Variants in ZBED6 observed in about 807,000 individuals in gnomAD.
ZBED6 encodes zinc finger BED-type containing 6.
Under a neutral mutation model 58.4 loss-of-function variants are expected in ZBED6, and 40 were observed. The observed-to-expected ratio is 0.68, with a 90% CI of 0.53 to 0.89. The LOEUF (loss-of-function observed/expected upper bound fraction) is 0.89. Ranked by LOEUF, ZBED6 falls within the 40% of genes least tolerant of loss-of-function variation. ZBED6 has a pLI of 0.00. For synonymous variants in ZBED6, 439 were observed against 350.6 expected (o/e 1.25, Z -2.82); for missense variants, 1,057 against 1,003.9 (o/e 1.05, Z -0.71).
exon 16 of ZBED6, chr1:203,851,060 G>C: frequency 2.5e-6 from 4 of 1,614,138 alleles, no homozygotes; most frequent in Non-Finnish European, 3.4e-6. Flanking sequence ...TTTGTAGGCT[G>C]TTGTCCCGCT....
intron 11 of ZBED6, among the ~76,000 whole-genome samples, chr1:203,845,377 T>A (rs551470484): frequency 1.3e-5 from 2 of 152,356 alleles, no homozygotes; most frequent in African/African-American, 2.4e-5. Context: ...AATTTGTGAT[T>A]TTTTATTAAA....
chr1:203,831,625 T>C, intron 7 of ZBED6, 36 bp from the exon 8 acceptor site: 1 of 1,569,516 alleles, frequency 6.4e-7, no homozygotes, highest in East Asian at 2.2e-5. Context: ...TTATTTTCCA[T>C]AAATTATTTG....
At chr1:203,824,524 C>T (rs6658514) in intron 3 of ZBED6, among the ~76,000 whole-genome samples, 1 of 151,980 alleles carries the variant, frequency 6.6e-6, no homozygotes, top group Non-Finnish European at 1.5e-5. Context: ...CTTGGCCATT[C>T]GTAGGCATGT....
At chr1:203,837,969 G>A (rs151160011) in exon 10 of ZBED6, 33 of 1,612,426 alleles carry the variant, frequency 2.0e-5, no homozygotes, top group Non-Finnish European at 2.8e-5. Flanking sequence ...TTTATAGGCG[G>A]TGACAGTGAT....
chr1:203,816,042 G>A (rs1045431456), intron 1 of ZBED6, among the ~76,000 whole-genome samples: 2 of 152,152 alleles, frequency 1.3e-5, no homozygotes, highest in African/African-American at 4.8e-5. Flanking sequence ...CTTCATTAAC[G>A]TAAGCTAGAT....
chr1:203,804,754 C>T lies in ZBED6; in HGVS notation c.*2554+1738C>T, dbSNP rs574046380. 7.3e-5 allele frequency among the ~76,000 whole-genome samples: 11 copies of T among 150,424 alleles called. No homozygotes were observed. The East Asian group carries it at 2.0e-3, about 27-fold the overall frequency. On this transcript the variant is annotated intron_variant, in intron 1 of 16. Transcript: ENST00000550078. ...ATGGTGCTGTCTTGGCTCATTGCAA[C>T]CTCTGCCTTCCAGGTTCAAGTGATT...
chr1:203,811,143 C>CAAA (rs535589700), intron 1 of ZBED6, among the ~76,000 whole-genome samples: 2 of 73,600 alleles, frequency 2.7e-5, no homozygotes, highest in African/African-American at 4.8e-5. Flanking sequence ...AACTCTGTCA[C>CAAA]AAAAAAAAAA....
At chr1:203,809,849 G>T in intron 1 of ZBED6, among the ~76,000 whole-genome samples, 1 of 152,132 alleles carries the variant, frequency 6.6e-6, no homozygotes, top group East Asian at 1.9e-4. Context: ...AGCTACTCGG[G>T]AGGGTGAGGC....
exon 1 of ZBED6, chr1:203,802,755 T>A (rs1193720367): frequency 6.6e-6 from 1 of 152,282 alleles, no homozygotes; most frequent in Admixed American, 6.6e-5. Flanking sequence ...GTTTTGTTTT[T>A]GAGGAGATAA....
In ZBED6 at chr1:203,829,433, C is replaced by T. The variant is rs891056708; in HGVS notation, c.*2998-18C>T. The T allele has an allele frequency of 2.5e-6, 4 of 1,613,384 alleles. No individual in the cohort carries two copies. The highest frequency in any genetic ancestry group is 2.7e-5 in the African/African-American group (2 of 74,860). On this transcript the variant is annotated intron_variant, in intron 4 of 16. Transcript: ENST00000550078. ...TGTATCTTCTGTTTTTAATTTATGA[C>T]TGATTTTGTGCGTTTAGCTGTGTTG...
intron 11 of ZBED6, among the ~76,000 whole-genome samples, chr1:203,843,586 G>A (rs1378120972): frequency 6.6e-6 from 1 of 152,112 alleles, no homozygotes; most frequent in Non-Finnish European, 1.5e-5. Flanking sequence ...ACCCCACTCT[G>A]CCATTGTAGA....
At chr1:203,840,226 A>C in intron 10 of ZBED6, 80 bp from the exon 11 acceptor site, 1 of 1,416,660 alleles carries the variant, frequency 7.1e-7, no homozygotes, top group African/African-American at 1.4e-5. Context: ...GGTGTATGCC[A>C]CCATGCCCAG....
At chr1:203,816,556 A>T (rs986469097) in intron 1 of ZBED6, among the ~76,000 whole-genome samples, 2 of 152,184 alleles carry the variant, frequency 1.3e-5, no homozygotes, top group Non-Finnish European at 2.9e-5. Context: ...CCTTGAGCCC[A>T]GGAGTTCAGT....
At chr1:203,802,714 C>CTTTTTTTTTTTTTTTTTTTTTT (rs150416242) in exon 1 of ZBED6, 7 of 131,642 alleles carry the variant, frequency 5.3e-5, no homozygotes, top group African/African-American at 1.1e-4. Flanking sequence ...TAAATGAACT[C>CTTTTTTTTTTTTTTTTTTTTTT]TTTTTTTTTG....
intron 11 of ZBED6, among the ~76,000 whole-genome samples, chr1:203,843,608 CATATGCATATGTATGCA>C (rs1279748612): frequency 6.6e-6 from 1 of 152,168 alleles, no homozygotes. Flanking sequence ...TGAAAGCAGC[CATATGCATATGTATGCA>C]ATATGTAAAT....
intron 8 of ZBED6, among the ~76,000 whole-genome samples, 189 bp downstream of exon 8, chr1:203,831,960 C>T (rs1369931107): frequency 1.3e-5 from 2 of 152,236 alleles, no homozygotes; most frequent in East Asian, 3.8e-4. Context: ...CTTTGTCAAG[C>T]AGCCCTCACA....
At chr1:203,834,830 A>G (rs1275217994) in intron 9 of ZBED6, among the ~76,000 whole-genome samples, 1 of 151,720 alleles carries the variant, frequency 6.6e-6, no homozygotes, top group Non-Finnish European at 1.5e-5. Flanking sequence ...TTTAGTAGAG[A>G]TGGGGTTTCC....
At chr1:203,824,448 A>G (rs192926259) in intron 3 of ZBED6, among the ~76,000 whole-genome samples, 1 of 152,246 alleles carries the variant, frequency 6.6e-6, no homozygotes, top group African/African-American at 2.4e-5. Flanking sequence ...ATTCATTTTC[A>G]TTATTCATTG....
At chr1:203,821,057 C>T (rs561160777) in intron 3 of ZBED6, among the ~76,000 whole-genome samples, 45 of 152,238 alleles carry the variant, frequency 3.0e-4, no homozygotes, top group African/African-American at 1.0e-3. Context: ...TCACCTCTAT[C>T]GTAATCCCCA....
Sources: gnomAD v4.1 joint callset for allele counts (sites outside exome capture counted in the v4.1 genomes callset) on GRCh38, gnomAD v4.1.1 for gene constraint, MANE v1.5 for transcripts, NCBI Gene and HGNC (gene_info 2026-07-23, HGNC 2026-07-21) for gene names.